PTPN14: variants seen among roughly 807,000 people sequenced by gnomAD.
PTPN14 encodes the protein protein tyrosine phosphatase non-receptor type 14, also known as tyrosine-protein phosphatase non-receptor type 14.
A neutral mutation model predicts 126.8 loss-of-function variants in PTPN14; 53 were observed. The ratio of observed to expected loss-of-function variants is 0.42; its 90% CI spans 0.34 to 0.53. PTPN14 has a LOEUF of 0.53. Ranked by LOEUF, PTPN14 falls within the 20% of genes least tolerant of loss-of-function variation. The pLI, the probability that PTPN14 is intolerant of heterozygous loss-of-function variation, is 0.08. For synonymous variants in PTPN14, 630 were observed against 599.3 expected, an observed-to-expected ratio of 1.05 and a Z score of -0.75; for missense variants, 1,257 against 1,552.9, an observed-to-expected ratio of 0.81 and a Z score of 3.20.
chr1:214,465,951 C>CTTTCTTTTTTTTTTTTTTTT (rs1324868342), intron 1 of PTPN14, among the ~76,000 whole-genome samples: 3 of 59,024 alleles, frequency 5.1e-5, no homozygotes, highest in African/African-American at 2.1e-4. Flanking sequence ...CAGTTACTTC[C>CTTTCTTTTTTTTTTTTTTTT]TTTTTTTTTT....
intron 15 of PTPN14, among the ~76,000 whole-genome samples, chr1:214,375,626 G>A (rs988425686): frequency 6.6e-6 from 1 of 152,174 alleles, no homozygotes; most frequent in African/African-American, 2.4e-5. Flanking sequence ...AAGGTTTGAA[G>A]TATTTGAAAT....
intron 1 of PTPN14, among the ~76,000 whole-genome samples, chr1:214,519,018 T>C (rs892971698): frequency 3.3e-5 from 5 of 152,098 alleles, no homozygotes; most frequent in Non-Finnish European, 5.9e-5. Flanking sequence ...CCTGTAATCC[T>C]AGCACTTTGG....
intron 1 of PTPN14, among the ~76,000 whole-genome samples, chr1:214,481,511 CAAA>C (rs371949252): frequency 3.0e-5 from 2 of 67,456 alleles, no homozygotes; most frequent in Non-Finnish European, 5.0e-5. Flanking sequence ...AACTCCCGCT[CAAA>C]AAAAAAAAAA....
intron 1 of PTPN14, among the ~76,000 whole-genome samples, chr1:214,501,641 G>A (rs920540546): frequency 1.3e-5 from 2 of 152,106 alleles, no homozygotes; most frequent in Non-Finnish European, 2.9e-5. Context: ...CTAACACTGG[G>A]CCTGGAATAA....
intron 2 of PTPN14, among the ~76,000 whole-genome samples, chr1:214,455,024 T>C (rs993037637): frequency 1.3e-5 from 2 of 152,182 alleles, no homozygotes; most frequent in Admixed American, 6.5e-5. Flanking sequence ...ACTCCTCCCG[T>C]TCTTCCTCTA....
At chr1:214,549,123 T>C (rs539847466) in intron 1 of PTPN14, among the ~76,000 whole-genome samples, 2 of 152,296 alleles carry the variant, frequency 1.3e-5, no homozygotes, top group South Asian at 4.1e-4. Context: ...CAGTGTGTTC[T>C]TCCCACTCTG....
At chr1:214,462,737 C>T (rs1274249656) in intron 2 of PTPN14, among the ~76,000 whole-genome samples, 1 of 152,180 alleles carries the variant, frequency 6.6e-6, no homozygotes, top group Non-Finnish European at 1.5e-5. Context: ...AGGCTGGACT[C>T]CCCTATTGTT....
chr1:214,480,644 G>A (rs1660964110), intron 1 of PTPN14, among the ~76,000 whole-genome samples: 1 of 152,220 alleles, frequency 6.6e-6, no homozygotes, highest in Non-Finnish European at 1.5e-5. Flanking sequence ...ACAGTGCCAT[G>A]TCACAGCACC....
intron 13 of PTPN14, among the ~76,000 whole-genome samples, chr1:214,382,708 T>G (rs923662106): frequency 2.6e-5 from 4 of 152,250 alleles, no homozygotes; most frequent in Non-Finnish European, 5.9e-5. Context: ...TATGTATATA[T>G]GTATGTGTGT....
At chr1:214,432,851 C>T (rs1017095651) in intron 3 of PTPN14, among the ~76,000 whole-genome samples, 1 of 152,146 alleles carries the variant, frequency 6.6e-6, no homozygotes, top group Non-Finnish European at 1.5e-5. Context: ...GCTGGTGATG[C>T]TCTGATTCTT....
At chr1:214,473,128 G>T (rs1363906606) in intron 1 of PTPN14, among the ~76,000 whole-genome samples, 1 of 151,872 alleles carries the variant, frequency 6.6e-6, no homozygotes, top group South Asian at 2.1e-4. Flanking sequence ...CCAGTATTTT[G>T]TTCTCTCATT....
At chr1:214,504,773 T>G (rs1266844440) in intron 1 of PTPN14, among the ~76,000 whole-genome samples, 1 of 152,096 alleles carries the variant, frequency 6.6e-6, no homozygotes, top group African/African-American at 2.4e-5. Context: ...TACAGAATGC[T>G]GGGGAATTTT....
At chr1:214,397,404 T>C (rs943007520) in intron 8 of PTPN14, among the ~76,000 whole-genome samples, 3 of 152,056 alleles carry the variant, frequency 2.0e-5, no homozygotes, top group Non-Finnish European at 4.4e-5. Context: ...AGGGGGGAGA[T>C]GGCTGCATCT....
chr1:214,456,506 T>C lies in PTPN14; in HGVS notation c.175-4532A>G, dbSNP rs550474359. ...ACTTGTGTGTAATCAACCTCTACTC[T>C]GGGTAGGTCTGAGATTTCTATAACT... On this transcript the variant is annotated intron_variant, in intron 2 of 18. Coordinates refer to ENST00000366956, the MANE Select transcript of PTPN14 (RefSeq NM_005401.5). 2.6e-5 allele frequency among the ~76,000 whole-genome samples: 4 copies of C among 152,328 alleles called. 1 individual carries two copies. Among genetic ancestry groups the C allele is most frequent in the African/African-American group, 4.8e-5 (2 of 41,584 alleles).
intron 17 of PTPN14, among the ~76,000 whole-genome samples, chr1:214,367,783 A>G (rs1293642100): frequency 6.6e-6 from 1 of 152,212 alleles, no homozygotes; most frequent in Non-Finnish European, 1.5e-5. Flanking sequence ...GGAGGGTATC[A>G]GATCTCATCT....
In PTPN14 at chr1:214,464,964, A is replaced by T; in HGVS notation, c.-154-7T>A. 1 of 836,956 alleles carries T rather than the reference A, an allele frequency of 1.2e-6. No individual in the cohort carries two copies. Among genetic ancestry groups the T allele is most frequent in the Non-Finnish European group, 1.8e-6 (1 of 556,790 alleles). 51.8% of individuals were successfully genotyped at this position (836,956 alleles called of 1,614,324 possible). ...GTGGCCCTCTGGAAGATAGCTGTAA[A>T]TGCAAAAGAAATGCCATGGTCATGC... is the stretch of plus-strand genomic sequence containing the variant. On this transcript the variant is annotated splice_polypyrimidine_tract_variant and splice_region_variant and intron_variant, in intron 1 of 18. Transcript: ENST00000366956.
chr1:214,528,147 T>A (rs984135157), intron 1 of PTPN14: 4 of 152,186 alleles, frequency 2.6e-5, no homozygotes, highest in Admixed American at 6.5e-5. Flanking sequence ...AACTGGGCAA[T>A]CCTTGGAAGA....
chr1:214,400,677 C>T (rs1333588804), intron 7 of PTPN14, among the ~76,000 whole-genome samples: 1 of 152,168 alleles, frequency 6.6e-6, no homozygotes, highest in African/African-American at 2.4e-5. Flanking sequence ...TATATATGGG[C>T]TGCAGAAATG....
Position 214,465,039 on chromosome 1 carries a change from CCCCCCCCCCCCA to C in PTPN14, c.-154-94_-154-83del, listed in dbSNP as rs972161213. The C allele has an allele frequency of 4.7e-3, 1,345 of 288,994 alleles. 46 individuals are homozygous for C. In the African/African-American group the frequency reaches 0.088, roughly 19 times the overall value. 17.9% of individuals were successfully genotyped at this position (288,994 alleles called of 1,614,324 possible). A position where few individuals can be genotyped will look rare whatever the true frequency, so the allele number is the denominator to read the frequency against. ...CCATATTCCACACACACAGAAGCCC[CCCCCCCCCCCCA>C]CCCCGCCAAACAGATCAACACTCAG... On this transcript the variant is annotated intron_variant, in intron 1 of 18. Transcript: ENST00000366956.
Sources: gnomAD v4.1 joint callset for allele counts (sites outside exome capture counted in the v4.1 genomes callset) on GRCh38, gnomAD v4.1.1 for gene constraint, MANE v1.5 for transcripts, NCBI Gene and HGNC (gene_info 2026-07-23, HGNC 2026-07-21) for gene names.